Variants in GTF2IRD1 observed in about 807,000 individuals in gnomAD.
GTF2IRD1 encodes the protein GTF2I repeat domain containing 1, also known as general transcription factor II-I repeat domain-containing protein 1.
In GTF2IRD1, 26 loss-of-function variants were observed where a neutral mutation model predicts 113.2. The observed-to-expected ratio is 0.23, with a 90% confidence interval of 0.17 to 0.32. The LOEUF is 0.32. Ranked by LOEUF, GTF2IRD1 falls within the 10% of genes least tolerant of loss-of-function variation. The pLI is 1.00. For synonymous variants in GTF2IRD1, 484 were observed against 529.1 expected, an observed-to-expected ratio of 0.91 and a Z score of 1.17; for missense variants, 864 against 1,280.8, an observed-to-expected ratio of 0.67 and a Z score of 4.97.
chr7:74,486,634 G>A (rs1795043124), intron 1 of GTF2IRD1, among the ~76,000 whole-genome samples: 1 of 152,076 alleles, frequency 6.6e-6, no homozygotes, highest in Non-Finnish European at 1.5e-5. Flanking sequence ...TTGGTTATAT[G>A]GGGATTGAGG....
At chr7:74,579,575 G>A (rs587623322) in intron 22 of GTF2IRD1, among the ~76,000 whole-genome samples, 110 of 149,288 alleles carry the variant, frequency 7.4e-4, no homozygotes, top group African/African-American at 2.6e-3. Context: ...CCCAGATCAC[G>A]CCACCGCACT....
intron 1 of GTF2IRD1, among the ~76,000 whole-genome samples, chr7:74,471,328 G>A (rs546667010): frequency 2.0e-5 from 3 of 152,098 alleles, no homozygotes; most frequent in Non-Finnish European, 2.9e-5. Context: ...TTGAGGTCAG[G>A]AATCTGAGAC....
chr7:74,573,613 C>T (rs1474278652), intron 22 of GTF2IRD1, among the ~76,000 whole-genome samples: 1 of 152,154 alleles, frequency 6.6e-6, no homozygotes. Context: ...CGCCAGGCAC[C>T]TTGTGCAGAA....
rs562849281 is a variant in GTF2IRD1 at position 74,506,397 on chromosome 7, C to T, written c.-6-1678C>T. 8 of 152,344 alleles carry T rather than the reference C, an allele frequency of 5.3e-5. No individual in the cohort carries two copies. The East Asian group carries it at 1.5e-3, about 29-fold the overall frequency. 9.4% of individuals were successfully genotyped at this position (152,344 alleles called of 1,614,324 possible). ...GGCACCCATGGCGGCAGAAGACACC[C>T]CAGGCCTGGTGCCCTTTGTGGTGCC... is the stretch of plus-strand genomic sequence containing the variant. On this transcript the variant is annotated intron_variant, in intron 1 of 26. Transcript: ENST00000424337.
intron 1 of GTF2IRD1, among the ~76,000 whole-genome samples, chr7:74,470,606 T>G (rs1554332076): frequency 1.3e-5 from 2 of 152,206 alleles, no homozygotes; most frequent in African/African-American, 4.8e-5. Context: ...TATTCATAAT[T>G]GCCCCAAACT....
rs780578212 is a variant in GTF2IRD1 at position 74,499,023 on chromosome 7, C to T, written c.-6-9052C>T. Among the ~76,000 whole-genome samples, 108 of 152,246 alleles carry T rather than the reference C, an allele frequency of 7.1e-4. 1 individual carries two copies. Among genetic ancestry groups the T allele is most frequent in the Non-Finnish European group, 1.3e-3 (86 of 68,046 alleles). ...GGGATTACAGGCATGAGCCATCGCA[C>T]CCAGCCTGGTCCTGTAATTCTCTCT... On this transcript the variant is annotated intron_variant, in intron 1 of 26. Transcript: ENST00000424337.
chr7:74,575,311 A>G (rs1482143470), intron 22 of GTF2IRD1, among the ~76,000 whole-genome samples: 4 of 152,202 alleles, frequency 2.6e-5, no homozygotes, highest in African/African-American at 9.7e-5. Context: ...GCAGCTGCAA[A>G]GCCCCTGAGG....
At chr7:74,596,325 G>T (rs1480269844) in intron 25 of GTF2IRD1, among the ~76,000 whole-genome samples, 7 of 151,950 alleles carry the variant, frequency 4.6e-5, no homozygotes, top group African/African-American at 1.7e-4. Context: ...GCCAGGCATG[G>T]TGGCACGTGC....
At chr7:74,545,652 A>G (rs1554353044) in intron 15 of GTF2IRD1, 92 bp from the exon 16 acceptor site, 1 of 877,816 alleles carries the variant, frequency 1.1e-6, no homozygotes, top group Non-Finnish European at 1.9e-6. Context: ...CCAAGATCCC[A>G]CCACAGGGCC....
chr7:74,586,413 G>A (rs782425248), intron 22 of GTF2IRD1, among the ~76,000 whole-genome samples: 1 of 152,180 alleles, frequency 6.6e-6, no homozygotes, highest in Non-Finnish European at 1.5e-5. Context: ...ATTACTCCAC[G>A]AGATAGGGAC....
chr7:74,476,665 C>T (rs1416797930), intron 1 of GTF2IRD1, among the ~76,000 whole-genome samples: 2 of 152,086 alleles, frequency 1.3e-5, no homozygotes, highest in African/African-American at 2.4e-5. Context: ...CTGCCTCTAG[C>T]CTTTGCCCAA....
At position 74,568,337 on chromosome 7, in the gene GTF2IRD1, T is replaced by TAAAAAAAAA. The variant is rs782743930; in HGVS notation, c.2320+8692_2320+8700dup. Among the ~76,000 whole-genome samples, 55 of 91,974 alleles carry TAAAAAAAAA rather than the reference T, an allele frequency of 6.0e-4. 3 individuals carry two copies. The highest frequency in any genetic ancestry group is 1.1e-3 in the African/African-American group (24 of 21,570). 60.3% of individuals were successfully genotyped at this position (91,974 alleles called of 152,430 possible). A position where few individuals can be genotyped will look rare whatever the true frequency, so the allele number is the denominator to read the frequency against. On this transcript the variant is annotated intron_variant, in intron 22 of 26. Transcript: ENST00000424337. ...CACATAACAAGACTGCATCTCTATT[T>TAAAAAAAAA]AAAAAAAAAAAAAAAAAAGAAGGAG...
intron 25 of GTF2IRD1, among the ~76,000 whole-genome samples, chr7:74,600,717 C>A (rs1000296098): frequency 1.3e-5 from 2 of 152,006 alleles, no homozygotes; most frequent in African/African-American, 4.8e-5. Context: ...TCTCAAAAAA[C>A]CAGAAAGAGA....
At chr7:74,552,891 G>A (rs1291619757) in intron 17 of GTF2IRD1, among the ~76,000 whole-genome samples, 3 of 152,142 alleles carry the variant, frequency 2.0e-5, no homozygotes, top group Non-Finnish European at 4.4e-5. Context: ...AGGCTGGAGT[G>A]CAGTGGCACC....
intron 13 of GTF2IRD1, among the ~76,000 whole-genome samples, 174 bp downstream of exon 13, chr7:74,538,934 T>A (rs1798468410): frequency 1.3e-5 from 2 of 152,222 alleles, no homozygotes; most frequent in African/African-American, 4.8e-5. Context: ...CCCTGCGTTG[T>A]GAATCAGTGT....
intron 1 of GTF2IRD1, among the ~76,000 whole-genome samples, chr7:74,478,570 C>G (rs968650035): frequency 1.3e-5 from 2 of 152,166 alleles, no homozygotes; most frequent in African/African-American, 4.8e-5. Flanking sequence ...ATCCTCCCAC[C>G]TCATCCTCCT....
At chr7:74,461,417 C>T (rs531569346) in intron 1 of GTF2IRD1, among the ~76,000 whole-genome samples, 2 of 152,226 alleles carry the variant, frequency 1.3e-5, no homozygotes, top group East Asian at 3.9e-4. Context: ...TTTCTGGCTA[C>T]TGGCAGAACC....
At chr7:74,485,961 C>T (rs1554335514) in intron 1 of GTF2IRD1, among the ~76,000 whole-genome samples, 1 of 151,626 alleles carries the variant, frequency 6.6e-6, no homozygotes. Context: ...GAAAATGCCT[C>T]CCATGGAATC....
chr7:74,518,931 C>T (rs1797107551), intron 5 of GTF2IRD1, among the ~76,000 whole-genome samples: 1 of 152,006 alleles, frequency 6.6e-6, no homozygotes, highest in African/African-American at 2.4e-5. Flanking sequence ...AACGGGAGAA[C>T]CATGTCCTGT....
Sources: gnomAD v4.1 joint callset for allele counts (sites outside exome capture counted in the v4.1 genomes callset) on GRCh38, gnomAD v4.1.1 for gene constraint, MANE v1.5 for transcripts, NCBI Gene and HGNC (gene_info 2026-07-23, HGNC 2026-07-21) for gene names.